Variants in LPP observed in about 807,000 individuals in gnomAD.
LPP encodes lipoma-preferred partner.
A neutral mutation model predicts 60.4 loss-of-function variants in LPP; 38 were observed. That is an observed-to-expected ratio of 0.63 (90% CI 0.49 to 0.83). The LOEUF is 0.83. LPP is among the 40% of genes least tolerant of loss of function. The probability of loss-of-function intolerance (pLI) is 0.00; values close to 1 mark genes in which losing one functional copy is unlikely to be tolerated. For missense variants in LPP, 902 were observed against 783.6 expected, an observed-to-expected ratio of 1.15 and a Z score of -1.80; for synonymous variants, 328 against 290.8, an observed-to-expected ratio of 1.13 and a Z score of -1.30.
chr3:188,609,752 A>G lies in LPP; in HGVS notation c.1021A>G (p.Asn341Asp), dbSNP rs1321450682. The stretch of plus-strand genomic sequence containing the variant: ...CACTCCTCCTGGAGCAGGGAACCAG[A>G]ACCCTCCTGGGATGTATCCAGTCAC... ...GYTPPGAGNQ[N>D]PPGMYPVTGP... The change falls in exon 7 of 12, where the codon AAC becomes GAC. Residue 341 changes from asparagine to aspartate, a missense_variant. By Grantham distance (23) the Asn-to-Asp change is conservative. Transcript: ENST00000617246. The surrounding 1 kb of genome is among the most constrained non-coding windows in gnomAD (Gnocchi z 6.9). The G allele has an allele frequency of 2.5e-6, 4 of 1,614,104 alleles. No individual in the cohort carries two copies. Among genetic ancestry groups the G allele is most frequent in the Admixed American group, 1.7e-5 (1 of 60,022 alleles).
At chr3:188,737,135 C>T (rs185025455) in intron 8 of LPP, among the ~76,000 whole-genome samples, 30 of 152,070 alleles carry the variant, frequency 2.0e-4, no homozygotes, top group Non-Finnish European at 4.0e-4. Context: ...TTTTCAAGTT[C>T]CGTACAATGA....
intron 11 of LPP, 143 bp downstream of exon 11, chr3:188,872,906 A>G (rs1196049759): frequency 1.9e-6 from 2 of 1,055,558 alleles, no homozygotes; most frequent in South Asian, 1.6e-5. Flanking sequence ...TAGATTTGAC[A>G]CTAGTATTCC....
chr3:188,760,435 T>TGTGTGTGCGCGC (rs777127864), intron 9 of LPP, among the ~76,000 whole-genome samples, 153 bp downstream of exon 9: 3 of 151,078 alleles, frequency 2.0e-5, no homozygotes, highest in African/African-American at 7.3e-5. Flanking sequence ...TGTGTGTGTG[T>TGTGTGTGCGCGC]GCGTGCGCGC....
At chr3:188,432,830 G>A (rs111566213) in intron 4 of LPP, among the ~76,000 whole-genome samples, 2,448 of 152,226 alleles carry the variant, frequency 0.016, 58 homozygotes, top group African/African-American at 0.056. Flanking sequence ...TTCCTGAAAT[G>A]TGTGGATGGG....
rs1045914815 is a variant in LPP at position 188,186,025 on chromosome 3, C to T, written c.-190+31773C>T. ...GTGTAGGAAAGGAGTGTCAGGCCTGCGGCTTCCTATTTCCTCATTCAGGGC... is the reference window on the plus strand; with the variant it reads ...GTGTAGGAAAGGAGTGTCAGGCCTGTGGCTTCCTATTTCCTCATTCAGGGC... On this transcript the variant is annotated intron_variant, in intron 1 of 11. Transcript: ENST00000617246. Among the ~76,000 whole-genome samples the T allele has an allele frequency of 3.9e-5, 6 of 152,158 alleles. No individual in the cohort carries two copies. The South Asian group carries it at 6.2e-4, about 16-fold the overall frequency.
chr3:188,174,459 C>T (rs145305368), intron 1 of LPP, among the ~76,000 whole-genome samples: 22 of 152,314 alleles, frequency 1.4e-4, no homozygotes, highest in African/African-American at 3.6e-4. Context: ...ACCCGAGGAA[C>T]GCACGCATGA....
intron 4 of LPP, among the ~76,000 whole-genome samples, chr3:188,463,602 A>G (rs1393421917): frequency 6.6e-6 from 1 of 152,196 alleles, no homozygotes; most frequent in African/African-American, 2.4e-5. Flanking sequence ...TTCAAAAAGA[A>G]AGAAGACTTG....
intron 7 of LPP, among the ~76,000 whole-genome samples, chr3:188,665,291 A>G (rs1267793328): frequency 6.6e-6 from 1 of 152,204 alleles, no homozygotes; most frequent in Non-Finnish European, 1.5e-5. Context: ...CAGAAAATAT[A>G]AAATTGTCAC....
At chr3:188,579,976 G>C (rs577603623) in intron 6 of LPP, among the ~76,000 whole-genome samples, 1 of 151,948 alleles carries the variant, frequency 6.6e-6, no homozygotes, top group East Asian at 1.9e-4. Context: ...ACTCCAGCCT[G>C]AGCGACAGAG....
chr3:188,873,993 G>T (rs546635996), intron 11 of LPP, among the ~76,000 whole-genome samples: 2 of 152,022 alleles, frequency 1.3e-5, no homozygotes, highest in African/African-American at 4.8e-5. Context: ...AAAATGCATC[G>T]GTGGTTAGGG....
At chr3:188,642,589 A>G (rs1488427295) in intron 7 of LPP, among the ~76,000 whole-genome samples, 1 of 152,174 alleles carries the variant, frequency 6.6e-6, no homozygotes, top group Admixed American at 6.5e-5. Flanking sequence ...TTAACTCAAG[A>G]GGTCAACAAT....
intron 5 of LPP, among the ~76,000 whole-genome samples, chr3:188,496,237 C>G (rs940990986): frequency 8.6e-5 from 13 of 151,952 alleles, no homozygotes; most frequent in Non-Finnish European, 1.5e-5. Context: ...GCCATTCTCC[C>G]GCCTCAGCCT....
chr3:188,746,209 A>T (rs1363061935), intron 8 of LPP, among the ~76,000 whole-genome samples: 4 of 152,096 alleles, frequency 2.6e-5, no homozygotes, highest in Admixed American at 2.6e-4. Context: ...ATATGTACAT[A>T]TATGGTTTCT....
At chr3:188,758,187 A>T (rs1436902893) in intron 8 of LPP, among the ~76,000 whole-genome samples, 1 of 152,068 alleles carries the variant, frequency 6.6e-6, no homozygotes, top group East Asian at 1.9e-4. Flanking sequence ...TTTGAGATGA[A>T]GTCTCGCTCT....
At chr3:188,706,069 A>G (rs1338431106) in intron 7 of LPP, among the ~76,000 whole-genome samples, 1 of 152,230 alleles carries the variant, frequency 6.6e-6, no homozygotes, top group Non-Finnish European at 1.5e-5. Context: ...ATGAGTGGAT[A>G]AAACAATAAA....
chr3:188,553,643 T>A (rs753298394), intron 6 of LPP: 4 of 152,242 alleles, frequency 2.6e-5, no homozygotes, highest in Admixed American at 1.3e-4. Flanking sequence ...GAATGATTCA[T>A]AATGCAGAAG....
At chr3:188,200,281 C>T (rs1183424806) in intron 1 of LPP, among the ~76,000 whole-genome samples, 3 of 146,644 alleles carry the variant, frequency 2.0e-5, no homozygotes, top group Non-Finnish European at 4.5e-5. Context: ...CGGAGTTTCA[C>T]TCTTGTTGCC....
chr3:188,849,944 T>C (rs966987854), intron 9 of LPP, among the ~76,000 whole-genome samples: 5 of 152,204 alleles, frequency 3.3e-5, no homozygotes, highest in African/African-American at 7.2e-5. Context: ...TTTCTGGCTA[T>C]CCATAGCGGA....
At chr3:188,873,033 T>C (rs1391011492) in intron 11 of LPP, among the ~76,000 whole-genome samples, 1 of 151,956 alleles carries the variant, frequency 6.6e-6, no homozygotes, top group Non-Finnish European at 1.5e-5. Flanking sequence ...TACAAAATTG[T>C]ATATTAAAGG....
Sources: allele counts gnomAD v4.1 joint callset (sites outside exome capture counted in the v4.1 genomes callset), GRCh38; gene constraint gnomAD v4.1.1; non-coding constraint Gnocchi (gnomAD v3.1); transcripts MANE v1.5; gene names NCBI Gene and HGNC (gene_info 2026-07-23, HGNC 2026-07-21).